PDSS2: variants seen among roughly 807,000 people sequenced by gnomAD.
The protein encoded by PDSS2 is decaprenyl diphosphate synthase subunit 2.
Under a neutral mutation model 44.5 loss-of-function variants are expected in PDSS2, and 31 were observed. The ratio of observed to expected loss-of-function variants is 0.70; its 90% CI spans 0.52 to 0.94. PDSS2 has a LOEUF of 0.94. PDSS2 is among the 40% of genes least tolerant of loss of function. The pLI is 0.00. For missense variants in PDSS2, 452 were observed against 482.2 expected (o/e 0.94, Z 0.59); for synonymous variants, 157 against 180.3 (o/e 0.87, Z 1.03).
intron 2 of PDSS2, among the ~76,000 whole-genome samples, chr6:107,297,377 G>A (rs1476957824): frequency 6.6e-6 from 1 of 151,430 alleles, no homozygotes. Flanking sequence ...TTTGGAGGTG[G>A]GAGTGAATTT....
chr6:107,327,967 T>C (rs1042565743), intron 2 of PDSS2, among the ~76,000 whole-genome samples: 15 of 152,234 alleles, frequency 9.9e-5, no homozygotes, highest in South Asian at 2.1e-4. Flanking sequence ...AAACATGTGT[T>C]TCAAATGTTT....
chr6:107,294,837 C>A (rs1172788519), intron 2 of PDSS2, among the ~76,000 whole-genome samples: 8 of 152,268 alleles, frequency 5.3e-5, no homozygotes, highest in Admixed American at 4.6e-4. Flanking sequence ...TGCTAACAAA[C>A]CTCATTGCCT....
At chr6:107,445,061 A>ACTGTATTGGAAAAGTATT (rs1415393406) in intron 1 of PDSS2, among the ~76,000 whole-genome samples, 1 of 152,156 alleles carries the variant, frequency 6.6e-6, no homozygotes, top group African/African-American at 2.4e-5. Context: ...CAAAAGTCTA[A>ACTGTATTGGAAAAGTATT]CCAATTCTGT....
intron 1 of PDSS2, among the ~76,000 whole-genome samples, chr6:107,407,099 T>C (rs1201615280): frequency 1.3e-5 from 2 of 152,200 alleles, no homozygotes; most frequent in Non-Finnish European, 2.9e-5. Flanking sequence ...ATCCATAAGA[T>C]GCAATATTAT....
At chr6:107,158,373 C>T (rs1554246099) in intron 7 of PDSS2, among the ~76,000 whole-genome samples, 1 of 151,732 alleles carries the variant, frequency 6.6e-6, no homozygotes, top group East Asian at 1.9e-4. Context: ...TTAGTGGAGA[C>T]GGGGTTTCTC....
At chr6:107,436,621 C>T (rs557437329) in intron 1 of PDSS2, among the ~76,000 whole-genome samples, 5 of 152,084 alleles carry the variant, frequency 3.3e-5, no homozygotes, top group Non-Finnish European at 7.4e-5. Flanking sequence ...TTAAAGGATA[C>T]AAAATTTCAG....
At chr6:107,379,999 T>G (rs576374324) in intron 1 of PDSS2, among the ~76,000 whole-genome samples, 2 of 152,222 alleles carry the variant, frequency 1.3e-5, no homozygotes, top group South Asian at 4.1e-4. Context: ...TTTAGAAATA[T>G]TTTTTCTTCT....
intron 7 of PDSS2, among the ~76,000 whole-genome samples, chr6:107,173,577 A>AAAAAAAAAAAAAAAAAAAAAAAAAC (rs1554249170): frequency 6.8e-6 from 1 of 147,006 alleles, no homozygotes; most frequent in African/African-American, 2.6e-5. Flanking sequence ...TGTCTCAAAA[A>AAAAAAAAAAAAAAAAAAAAAAAAAC]AAAAAAAAAA....
chr6:107,321,703 T>C (rs1777387444), intron 2 of PDSS2, among the ~76,000 whole-genome samples: 1 of 152,180 alleles, frequency 6.6e-6, no homozygotes, highest in Non-Finnish European at 1.5e-5. Flanking sequence ...TTTATTGAAG[T>C]CTCAGTTCTG....
At chr6:107,218,699 ATC>A (rs1773498092) in intron 4 of PDSS2, among the ~76,000 whole-genome samples, 1 of 152,130 alleles carries the variant, frequency 6.6e-6, no homozygotes, top group Admixed American at 6.6e-5. Context: ...TTCTTTTGGT[ATC>A]TCTCTCCCTC....
At chr6:107,458,491 C>T (rs1782130250) in intron 1 of PDSS2, among the ~76,000 whole-genome samples, 1 of 148,064 alleles carries the variant, frequency 6.8e-6, no homozygotes, top group Non-Finnish European at 1.5e-5. Flanking sequence ...TGATAAACAT[C>T]CCAAGAAGAT....
chr6:107,288,761 T>G (rs1159219025), intron 2 of PDSS2, among the ~76,000 whole-genome samples: 1 of 143,184 alleles, frequency 7.0e-6, no homozygotes, highest in Admixed American at 6.9e-5. Flanking sequence ...TTGTTTTTTT[T>G]TTTTTTTTTT....
chr6:107,451,956 A>G (rs998456530), intron 1 of PDSS2, among the ~76,000 whole-genome samples: 7 of 152,208 alleles, frequency 4.6e-5, no homozygotes, highest in Admixed American at 4.6e-4. Context: ...AATGTTGAAC[A>G]TCTTTTCATA....
At chr6:107,171,756 C>T (rs1554248650) in intron 7 of PDSS2, among the ~76,000 whole-genome samples, 1 of 152,072 alleles carries the variant, frequency 6.6e-6, no homozygotes. Context: ...GAATTCCTGG[C>T]CTTAAGTGAT....
At chr6:107,179,812 G>A (rs1380119956) in intron 7 of PDSS2, among the ~76,000 whole-genome samples, 1 of 152,188 alleles carries the variant, frequency 6.6e-6, no homozygotes, top group African/African-American at 2.4e-5. Context: ...GGGAGGCTGA[G>A]TAGTGCTTGG....
At chr6:107,288,367 T>G (rs1275065483) in intron 2 of PDSS2, among the ~76,000 whole-genome samples, 1 of 152,156 alleles carries the variant, frequency 6.6e-6, no homozygotes, top group African/African-American at 2.4e-5. Flanking sequence ...CATTGTGTAG[T>G]TCAGTGCCTG....
chr6:107,254,113 A>G (rs1442049606), intron 3 of PDSS2, among the ~76,000 whole-genome samples: 1 of 146,784 alleles, frequency 6.8e-6, no homozygotes, highest in Admixed American at 7.0e-5. Context: ...GGCTCACTGC[A>G]ACCTCTGCCT....
At chr6:107,396,678 CTTTTTTTTT>C (rs950671310) in intron 1 of PDSS2, among the ~76,000 whole-genome samples, 53 of 79,332 alleles carry the variant, frequency 6.7e-4, no homozygotes, top group Non-Finnish European at 1.1e-3. Context: ...CTTCTTTTTT[CTTTTTTTTT>C]TTTTTTTTTT....
At chr6:107,225,137 T>TATATATATATATATATTTTTATA (rs1446558243) in intron 4 of PDSS2, among the ~76,000 whole-genome samples, 2 of 62,396 alleles carry the variant, frequency 3.2e-5, no homozygotes, top group Non-Finnish European at 5.2e-5. Flanking sequence ...ATATATATTT[T>TATATATATATATATATTTTTATA]TATATATATA....
Sources: allele counts gnomAD v4.1 joint callset (sites outside exome capture counted in the v4.1 genomes callset), GRCh38; gene constraint gnomAD v4.1.1; transcripts MANE v1.5; gene names NCBI Gene and HGNC (gene_info 2026-07-23, HGNC 2026-07-21).